C12orf42: variants seen among roughly 807,000 people sequenced by gnomAD.
C12orf42 encodes chromosome 12 open reading frame 42, also known as uncharacterized protein C12orf42.
In C12orf42, 25 loss-of-function variants were observed where a neutral mutation model predicts 21.6. The observed-to-expected ratio is 1.16, with a 90% CI of 0.84 to 1.62. C12orf42 has a LOEUF of 1.62. Ranked by LOEUF, C12orf42 falls within the 40% of genes most tolerant of loss-of-function variation. The probability of loss-of-function intolerance (pLI) is 0.00; values close to 1 mark genes in which losing one functional copy is unlikely to be tolerated. For synonymous variants in C12orf42, 174 were observed against 175.0 expected, an observed-to-expected ratio of 0.99 and a Z score of 0.05; for missense variants, 483 against 459.3, an observed-to-expected ratio of 1.05 and a Z score of -0.47.
chr12:103,457,722 T>G (rs930513856), intron 2 of C12orf42, among the ~76,000 whole-genome samples: 2 of 152,212 alleles, frequency 1.3e-5, no homozygotes, highest in Non-Finnish European at 2.9e-5. Flanking sequence ...AATTTTGTAT[T>G]AAACTGTTTT....
upstream of C12orf42, among the ~76,000 whole-genome samples, chr12:103,496,977 T>C (rs752121316): frequency 1.4e-4 from 22 of 152,172 alleles, no homozygotes; most frequent in Non-Finnish European, 1.2e-4. Context: ...GTTTGTACTA[T>C]TGACCCTATG....
chr12:103,508,453 A>C, the C12orf42 span, among the ~76,000 whole-genome samples: 1 of 126,410 alleles, frequency 7.9e-6, no homozygotes, highest in African/African-American at 3.3e-5. Context: ...TAACATTTAA[A>C]TAGGAAAAAA....
the C12orf42 span, among the ~76,000 whole-genome samples, chr12:103,204,127 G>C: frequency 6.6e-6 from 1 of 152,086 alleles, no homozygotes. Flanking sequence ...GAGATGCACA[G>C]GGGAAAAGGA....
the C12orf42 span, among the ~76,000 whole-genome samples, chr12:103,072,412 A>G: frequency 1.3e-5 from 2 of 152,090 alleles, no homozygotes; most frequent in African/African-American, 4.8e-5. Flanking sequence ...TCTTTAACAA[A>G]TAAAAACTCT....
At chr12:103,164,745 T>C in the C12orf42 span, 1 of 455,336 alleles carries the variant, frequency 2.2e-6, no homozygotes, top group South Asian at 1.6e-5. Context: ...ATTTATTCCA[T>C]GTAACACTCC....
At chr12:103,287,514 A>T (rs1240160005) in intron 4 of C12orf42, among the ~76,000 whole-genome samples, 2 of 151,940 alleles carry the variant, frequency 1.3e-5, no homozygotes, top group Non-Finnish European at 2.9e-5. Context: ...ATGAGAACAC[A>T]TGGACACAGG....
At chr12:103,154,025 C>CAAAAAAAAA in the C12orf42 span, among the ~76,000 whole-genome samples, 15 of 51,670 alleles carry the variant, frequency 2.9e-4, no homozygotes, top group African/African-American at 4.5e-4. Flanking sequence ...CAAATCTCAG[C>CAAAAAAAAA]AAAAAAAAAA....
At chr12:103,080,465 T>A in the C12orf42 span, among the ~76,000 whole-genome samples, 9 of 152,198 alleles carry the variant, frequency 5.9e-5, no homozygotes, top group African/African-American at 2.4e-5. Flanking sequence ...TACAAACTGG[T>A]TGAAAATAGC....
chr12:103,359,968 GTAGTTCTCC>G (rs886169459), intron 4 of C12orf42, among the ~76,000 whole-genome samples: 7 of 151,492 alleles, frequency 4.6e-5, no homozygotes, highest in Admixed American at 4.6e-4. Flanking sequence ...TACCTCCTAA[GTAGTTCTCC>G]TAGTCATCCC....
At chr12:103,410,364 A>C (rs1159470121) in intron 2 of C12orf42, among the ~76,000 whole-genome samples, 1 of 152,208 alleles carries the variant, frequency 6.6e-6, no homozygotes, top group East Asian at 1.9e-4. Context: ...TTGTCTGAAA[A>C]AGAAGCAAAA....
At chr12:103,209,318 A>G in the C12orf42 span, among the ~76,000 whole-genome samples, 2 of 152,216 alleles carry the variant, frequency 1.3e-5, no homozygotes, top group African/African-American at 4.8e-5. Context: ...CATTGATTAT[A>G]TTAGGTGAGA....
the C12orf42 span, among the ~76,000 whole-genome samples, chr12:103,517,296 T>G: frequency 1.3e-5 from 2 of 152,194 alleles, no homozygotes; most frequent in Admixed American, 1.3e-4. Flanking sequence ...TCAAACGAGT[T>G]TAGGAATTAA....
the C12orf42 span, among the ~76,000 whole-genome samples, chr12:103,502,700 T>C: frequency 1.3e-3 from 191 of 152,324 alleles, 1 homozygote; most frequent in African/African-American, 4.4e-3. Context: ...CCCTTGATTA[T>C]GTATCCCAGA....
At chr12:103,506,428 C>T in the C12orf42 span, among the ~76,000 whole-genome samples, 4 of 151,318 alleles carry the variant, frequency 2.6e-5, no homozygotes, top group Non-Finnish European at 4.4e-5. Flanking sequence ...TGGTCAATAT[C>T]GGGTTGTATA....
chr12:103,142,395 G>A, the C12orf42 span, among the ~76,000 whole-genome samples: 1 of 152,126 alleles, frequency 6.6e-6, no homozygotes, highest in Non-Finnish European at 1.5e-5. Context: ...ACAAAGAACA[G>A]TTTACAAACC....
chr12:103,370,030 C>G (rs774840925), intron 3 of C12orf42, among the ~76,000 whole-genome samples: 2 of 152,080 alleles, frequency 1.3e-5, no homozygotes, highest in African/African-American at 2.4e-5. Context: ...AACAAATTTA[C>G]AAGCAAAAAA....
the C12orf42 span, among the ~76,000 whole-genome samples, chr12:103,108,542 G>GA: frequency 2.0e-5 from 3 of 151,952 alleles, no homozygotes; most frequent in Non-Finnish European, 4.4e-5. Flanking sequence ...ATGGTAATTT[G>GA]AAAAAACAGA....
the C12orf42 span, among the ~76,000 whole-genome samples, chr12:103,141,971 A>T: frequency 9.2e-5 from 14 of 152,272 alleles, no homozygotes; most frequent in African/African-American, 3.1e-4. Flanking sequence ...GAACATTGAG[A>T]CTCCCAAAAT....
At chr12:103,481,799 TG>T (rs1182831419) in intron 1 of C12orf42, among the ~76,000 whole-genome samples, 1 of 151,422 alleles carries the variant, frequency 6.6e-6, no homozygotes, top group African/African-American at 2.4e-5. Context: ...TTCTGTTTTT[TG>T]TTTGGGTTTT....
Sources: gnomAD v4.1 joint callset for allele counts (sites outside exome capture counted in the v4.1 genomes callset) on GRCh38, gnomAD v4.1.1 for gene constraint, MANE v1.5 for transcripts, NCBI Gene and HGNC (gene_info 2026-07-23, HGNC 2026-07-21) for gene names.